ODAD4: variants seen among roughly 807,000 people sequenced by gnomAD.
The protein encoded by ODAD4 is outer dynein arm docking complex subunit 4.
ODAD4 carries 49 observed loss-of-function variants against 51.8 expected under a neutral mutation model. The observed-to-expected ratio is 0.95, with a 90% CI of 0.75 to 1.20. ODAD4 has a LOEUF of 1.20. ODAD4 is among the 50% of genes most tolerant of loss of function. The pLI is 0.00. For missense variants in ODAD4, 590 were observed against 586.5 expected, an observed-to-expected ratio of 1.01 and a Z score of -0.06; for synonymous variants, 235 against 221.3, an observed-to-expected ratio of 1.06 and a Z score of -0.55.
At position 41,962,901 on chromosome 17, in the gene ODAD4, C is replaced by T. The variant is rs149371279; in HGVS notation, c.1528+1435C>T. 3.8e-3 allele frequency among the ~76,000 whole-genome samples: 578 copies of T among 152,288 alleles called. 3 individuals are homozygous for T. Among genetic ancestry groups the T allele is most frequent in the African/African-American group, 0.013 (537 of 41,566 alleles). On this transcript the variant is annotated intron_variant, in intron 11 of 11. Transcript: ENST00000377540. ...ATCCTTTCTGGTCCAGGCAGGGCAGCGGGAGGTTTCTGGGCACCTGAGCAG... is the reference window on the plus strand; with the variant it reads ...ATCCTTTCTGGTCCAGGCAGGGCAGTGGGAGGTTTCTGGGCACCTGAGCAG...
chr17:41,936,676 A>C (rs2050432539), intron 4 of ODAD4, 86 bp from the exon 5 acceptor site: 1 of 1,561,296 alleles, frequency 6.4e-7, no homozygotes, highest in African/African-American at 1.4e-5. Flanking sequence ...GAGTTGGAGG[A>C]ATCTGGGATC....
At chr17:41,956,368 T>A (rs1555641009) in intron 10 of ODAD4, among the ~76,000 whole-genome samples, 1 of 151,746 alleles carries the variant, frequency 6.6e-6, no homozygotes, top group African/African-American at 2.4e-5. Flanking sequence ...GTATTTTTAA[T>A]AGAGATGGGA....
At chr17:41,948,187 G>A (rs900544805) in intron 8 of ODAD4, among the ~76,000 whole-genome samples, 1 of 151,806 alleles carries the variant, frequency 6.6e-6, no homozygotes, top group Admixed American at 6.6e-5. Context: ...ATAGAGAAAA[G>A]TATTCAGTCT....
At position 41,933,148 on chromosome 17, in the gene ODAD4, C is replaced by G. The variant is rs575110327; in HGVS notation, c.115-2069C>G. On this transcript the variant is annotated intron_variant, in intron 1 of 11. Transcript: ENST00000377540. Reference sequence around the variant, plus strand: ...TCATGTCCCATCCTGAAGTACCCACCAGCAGAGAAAAAAGAACACCCTGAG... The same window carrying G: ...TCATGTCCCATCCTGAAGTACCCACGAGCAGAGAAAAAAGAACACCCTGAG... 2.6e-5 allele frequency among the ~76,000 whole-genome samples: 4 copies of G among 152,190 alleles called. No individual in the cohort carries two copies. The South Asian group carries it at 6.2e-4, about 24-fold the overall frequency.
chr17:41,937,079 A>C (rs1388172384), intron 5 of ODAD4, 152 bp downstream of exon 5: 5 of 935,876 alleles, frequency 5.3e-6, no homozygotes, highest in Admixed American at 4.9e-5. Flanking sequence ...ACAGATGAGG[A>C]AACTGAGGCG....
At position 41,930,746 on chromosome 17, in the gene ODAD4, C is replaced by T. The variant is rs1388290326; in HGVS notation, c.23C>T (p.Thr8Ile). Reference protein sequence around the residue: MSDPEGETLRSTFPSYMA... With the variant: MSDPEGEILRSTFPSYMA... ...ACCATGTCGGACCCCGAAGGCGAGA[C>T]CTTGCGAAGCACCTTTCCCTCTTAT... Residue 8 changes from threonine (T) to isoleucine (I), a missense_variant, in exon 1 of 12, where the codon ACC (threonine) becomes ATC (isoleucine). Transcript: ENST00000377540. The T allele has an allele frequency of 3.1e-6, 5 of 1,611,282 alleles. No homozygotes were observed. Among genetic ancestry groups the T allele is most frequent in the Non-Finnish European group, 2.5e-6 (3 of 1,178,606 alleles).
intron 8 of ODAD4, among the ~76,000 whole-genome samples, chr17:41,946,584 C>G (rs2050590362): frequency 6.6e-6 from 1 of 152,234 alleles, no homozygotes; most frequent in Admixed American, 6.5e-5. Context: ...CATGGCGTCC[C>G]AAAGTGCTGG....
intron 5 of ODAD4, 102 bp from the exon 6 acceptor site, chr17:41,938,455 C>A: frequency 2.2e-6 from 2 of 908,700 alleles, no homozygotes; most frequent in East Asian, 2.4e-5. Flanking sequence ...CCAAGCAGAG[C>A]AAGTTCACAG....
At chr17:41,942,359 G>A (rs1567931929) in intron 7 of ODAD4, among the ~76,000 whole-genome samples, 1 of 152,126 alleles carries the variant, frequency 6.6e-6, no homozygotes, top group East Asian at 1.9e-4. Context: ...CCACTTACTA[G>A]TCTAAGTGGT....
chr17:41,938,433 G>T (rs782070809), intron 5 of ODAD4, 124 bp from the exon 6 acceptor site: 2 of 773,126 alleles, frequency 2.6e-6, no homozygotes, highest in Non-Finnish European at 4.2e-6. Context: ...ACTCCTCTCT[G>T]TTTCAACAAC....
At chr17:41,950,413 C>T (rs2050637348) in intron 9 of ODAD4, among the ~76,000 whole-genome samples, 1 of 148,886 alleles carries the variant, frequency 6.7e-6, no homozygotes, top group Non-Finnish European at 1.5e-5. Flanking sequence ...GATGGAGACT[C>T]ACTCTGTCAC....
At position 41,936,540 on chromosome 17, in the gene ODAD4, G is replaced by A. The variant is rs1355133546; in HGVS notation, c.459+6G>A. On this transcript the variant is annotated splice_donor_region_variant and intron_variant, in intron 4 of 11. Transcript: ENST00000377540. The stretch of plus-strand genomic sequence containing the variant: ...TCTTAAGCAAGCAGGCTGAGGTAAG[G>A]GCCCTGGTTCTGTGGTTGTATCCCT... 2 of 1,611,490 alleles carry A rather than the reference G, an allele frequency of 1.2e-6. No individual in the cohort carries two copies. Among genetic ancestry groups the A allele is most frequent in the Non-Finnish European group, 1.7e-6 (2 of 1,178,346 alleles).
intron 10 of ODAD4, 34 bp downstream of exon 10, chr17:41,955,351 A>G (rs1266465270): frequency 2.7e-6 from 2 of 752,102 alleles, no homozygotes; most frequent in Non-Finnish European, 4.9e-6. Context: ...TTCGGGTGTC[A>G]GGAGTGGGGT....
chr17:41,935,960 C>T (rs1555637707), intron 3 of ODAD4, among the ~76,000 whole-genome samples: 1 of 152,226 alleles, frequency 6.6e-6, no homozygotes, highest in African/African-American at 2.4e-5. Flanking sequence ...CTGATGCACA[C>T]ACTGATCTCT....
Position 41,965,178 on chromosome 17 carries a change from G to A in ODAD4, c.1714G>A (p.Gly572Arg), listed in dbSNP as rs1555642388. The change falls in exon 12 of 12, where the codon GGA (glycine) becomes AGA (arginine). Residue 572 changes from glycine to arginine, a missense_variant. By Grantham distance (125) the Gly-to-Arg change is moderately radical. Around this residue, in one of 3 missense-constraint regions of ODAD4, gnomAD observed 226 missense variants for 162.7 expected, o/e 1.39. Coordinates refer to ENST00000377540, the MANE Select transcript of ODAD4 (RefSeq NM_031421.5). Reference protein sequence around the residue: ...PASGKQSVEAGKARSDLGAVA... With the variant: ...PASGKQSVEARKARSDLGAVA... ...AAGCGGAAAGCAGAGTGTGGAAGCA[G>A]GAAAAGCCAGAAGCGATTTGGGAGC... 2.6e-6 allele frequency: 2 copies of A among 773,424 alleles called. No homozygotes were observed. The highest frequency in any genetic ancestry group is 4.9e-5 in the East Asian group (2 of 41,062). The allele number at this position is 773,424 out of a possible 1,614,324, so 47.9% of individuals were successfully genotyped here.
At position 41,938,754 on chromosome 17, in the gene ODAD4, C is replaced by T. The variant is rs1282737150; in HGVS notation, c.823C>T (p.Leu275Phe). The T allele has an allele frequency of 1.9e-6, 3 of 1,613,376 alleles. No homozygotes were observed. In the African/African-American group the frequency reaches 4.0e-5, roughly 22 times the overall value. ...TCCCTCACAGACAGCCCATTACATC[C>T]TCAAGAGCCTGGAGGACATTGATAT... ...RRPSQTAHYI[L>F]KSLEDIDMLL... Residue 275 changes from leucine (L) to phenylalanine (F), a missense_variant, in exon 6 of 12, where the codon CTC becomes TTC. Physicochemically the swap from Leu to Phe is conservative, Grantham distance 22. Coordinates refer to ENST00000377540, the MANE Select transcript of ODAD4 (RefSeq NM_031421.5).
chr17:41,933,060 T>C (rs1174066550), intron 1 of ODAD4, among the ~76,000 whole-genome samples: 20 of 151,486 alleles, frequency 1.3e-4, no homozygotes, highest in Admixed American at 1.3e-3. Flanking sequence ...CCAGAAATGA[T>C]GACCAGATAA....
intron 10 of ODAD4, among the ~76,000 whole-genome samples, chr17:41,957,196 C>T (rs1485358719): frequency 6.6e-6 from 1 of 152,124 alleles, no homozygotes. Context: ...CTGTACCCAG[C>T]CCTCATTTTC....
At chr17:41,958,153 C>T (rs1308540636) in intron 10 of ODAD4, among the ~76,000 whole-genome samples, 1 of 152,150 alleles carries the variant, frequency 6.6e-6, no homozygotes, top group Admixed American at 6.5e-5. Flanking sequence ...TTCCCACCTC[C>T]TTCACCTGGC....
Sources: gnomAD v4.1 joint callset for allele counts (sites outside exome capture counted in the v4.1 genomes callset) on GRCh38, gnomAD v4.1.1 for gene constraint, gnomAD v4.1.1 regional missense constraint, MANE v1.5 for transcripts, NCBI Gene and HGNC (gene_info 2026-07-23, HGNC 2026-07-21) for gene names.